GALNTL6: variants seen among roughly 807,000 people sequenced by gnomAD.
The protein encoded by GALNTL6 is polypeptide N-acetylgalactosaminyltransferase-like 6.
A neutral mutation model predicts 73.7 loss-of-function variants in GALNTL6; 46 were observed. The ratio of observed to expected loss-of-function variants is 0.62; its 90% confidence interval spans 0.49 to 0.80. The LOEUF is 0.80. Ranked by LOEUF, GALNTL6 falls within the 30% of genes least tolerant of loss-of-function variation. GALNTL6 has a pLI of 0.00. For missense variants in GALNTL6, 604 were observed against 755.0 expected (o/e 0.80, Z 2.34); for synonymous variants, 259 against 263.7 (o/e 0.98, Z 0.17).
chr4:172,475,036 A>G (rs1345845834), intron 5 of GALNTL6, among the ~76,000 whole-genome samples: 4 of 152,194 alleles, frequency 2.6e-5, no homozygotes, highest in Non-Finnish European at 2.9e-5. Context: ...TGAGGTGCTG[A>G]GTGTAATTTT....
chr4:171,965,077 AAC>A (rs1739347698), intron 2 of GALNTL6, among the ~76,000 whole-genome samples: 1 of 152,172 alleles, frequency 6.6e-6, no homozygotes, highest in Non-Finnish European at 1.5e-5. Flanking sequence ...TCCAAACTAT[AAC>A]AGTTACCATT....
At chr4:172,300,881 A>G (rs1049281145) in intron 3 of GALNTL6, among the ~76,000 whole-genome samples, 2 of 151,950 alleles carry the variant, frequency 1.3e-5, no homozygotes, top group Admixed American at 6.6e-5. Flanking sequence ...TCTTTGTGGC[A>G]TTCTCTGTAT....
intron 2 of GALNTL6, among the ~76,000 whole-genome samples, chr4:171,836,827 GA>G (rs1407222706): frequency 6.6e-6 from 1 of 152,096 alleles, no homozygotes; most frequent in Non-Finnish European, 1.5e-5. Context: ...AGTAAATGTT[GA>G]AGGAAAAGGA....
chr4:172,416,976 T>G (rs1282066693), intron 5 of GALNTL6, among the ~76,000 whole-genome samples: 1 of 152,206 alleles, frequency 6.6e-6, no homozygotes, highest in African/African-American at 2.4e-5. Context: ...GTTTATAAGC[T>G]TATAATTGTT....
At position 172,604,435 on chromosome 4, in the gene GALNTL6, T is replaced by A. The variant is rs532055611; in HGVS notation, c.554-204926T>A. Among the ~76,000 whole-genome samples the A allele has an allele frequency of 9.5e-4, 145 of 152,284 alleles. 1 individual carries two copies. The highest frequency in any genetic ancestry group is 3.4e-3 in the African/African-American group (141 of 41,566). ...AGAGAGCAAATAGACTTGGTTAGGC[T>A]AATGGAACAAACTTCATAATCTCAA... is the stretch of plus-strand genomic sequence containing the variant. On this transcript the variant is annotated intron_variant, in intron 5 of 12. Transcript: ENST00000506823.
In GALNTL6 at chr4:172,384,426, T is replaced by A. The variant is rs146582840; in HGVS notation, c.553+35737T>A. Among the ~76,000 whole-genome samples, 242 of 152,216 alleles carry A rather than the reference T, an allele frequency of 1.6e-3. 1 individual carries two copies. Among genetic ancestry groups the A allele is most frequent in the African/African-American group, 5.4e-3 (223 of 41,568 alleles). On this transcript the variant is annotated intron_variant, in intron 5 of 12. Coordinates refer to ENST00000506823, the MANE Select transcript of GALNTL6 (RefSeq NM_001034845.3). ...ATAGTATTCCCTCTTAATTTTTTTT[T>A]AAATTTCTCTAAGGCCAATAACAAT...
At chr4:172,048,843 A>G (rs1334828566) in intron 2 of GALNTL6, among the ~76,000 whole-genome samples, 1 of 152,100 alleles carries the variant, frequency 6.6e-6, no homozygotes, top group Non-Finnish European at 1.5e-5. Context: ...GCATCTTCCA[A>G]AAAAAGACAG....
At chr4:172,828,874 A>C (rs750638542) in intron 7 of GALNTL6, among the ~76,000 whole-genome samples, 1 of 152,228 alleles carries the variant, frequency 6.6e-6, no homozygotes, top group Non-Finnish European at 1.5e-5. Context: ...CTTCCATAAC[A>C]AAGTACTACA....
intron 5 of GALNTL6, among the ~76,000 whole-genome samples, chr4:172,627,970 C>A (rs950525118): frequency 6.6e-6 from 1 of 150,992 alleles, no homozygotes; most frequent in Non-Finnish European, 1.5e-5. Context: ...TTTGGTGATT[C>A]TTTGTATGGA....
intron 10 of GALNTL6, among the ~76,000 whole-genome samples, chr4:172,986,740 G>T (rs1160121534): frequency 1.3e-5 from 2 of 152,166 alleles, no homozygotes; most frequent in Non-Finnish European, 2.9e-5. Context: ...AGAAGAAAAA[G>T]GTTAATGTTA....
chr4:171,838,873 C>T (rs1048751932), intron 2 of GALNTL6, among the ~76,000 whole-genome samples: 3 of 152,126 alleles, frequency 2.0e-5, no homozygotes, highest in Non-Finnish European at 2.9e-5. Context: ...AACACAAGGA[C>T]GGTTGCCTTT....
chr4:172,219,090 G>A (rs1405359508), intron 2 of GALNTL6, among the ~76,000 whole-genome samples: 5 of 146,840 alleles, frequency 3.4e-5, no homozygotes, highest in Admixed American at 6.9e-5. Context: ...GTCCATTTCA[G>A]ACATTTGGGA....
At chr4:172,666,620 A>T (rs1427494092) in intron 5 of GALNTL6, among the ~76,000 whole-genome samples, 2 of 152,198 alleles carry the variant, frequency 1.3e-5, no homozygotes, top group Non-Finnish European at 2.9e-5. Context: ...TTGTCTCAAA[A>T]CAATGATGTA....
intron 5 of GALNTL6, among the ~76,000 whole-genome samples, chr4:172,420,977 A>T (rs750779635): frequency 1.4e-4 from 22 of 152,026 alleles, no homozygotes; most frequent in Admixed American, 3.3e-4. Flanking sequence ...ACACATGGAC[A>T]CGGGGAGGGG....
chr4:171,951,666 A>G (rs1180911581), intron 2 of GALNTL6, among the ~76,000 whole-genome samples: 1 of 152,100 alleles, frequency 6.6e-6, no homozygotes, highest in Non-Finnish European at 1.5e-5. Flanking sequence ...TGTCAAATAG[A>G]TAATATCTTT....
chr4:172,528,889 A>G (rs1375397847), intron 5 of GALNTL6, among the ~76,000 whole-genome samples: 1 of 144,196 alleles, frequency 6.9e-6, no homozygotes, highest in African/African-American at 2.5e-5. Context: ...CTTCCTGTAC[A>G]TATTCTCTTA....
chr4:172,826,839 T>C (rs1742294309), intron 7 of GALNTL6, among the ~76,000 whole-genome samples: 1 of 152,216 alleles, frequency 6.6e-6, no homozygotes, highest in Non-Finnish European at 1.5e-5. Flanking sequence ...TCTCAGTAAA[T>C]TCCCAATTCA....
At chr4:172,153,434 CT>C in intron 2 of GALNTL6, among the ~76,000 whole-genome samples, 1 of 152,164 alleles carries the variant, frequency 6.6e-6, no homozygotes, top group Non-Finnish European at 1.5e-5. Flanking sequence ...ATGCAGATAT[CT>C]TTTTAATGTT....
chr4:171,979,892 C>T (rs1382284601), intron 2 of GALNTL6, among the ~76,000 whole-genome samples: 1 of 151,578 alleles, frequency 6.6e-6, no homozygotes, highest in Non-Finnish European at 1.5e-5. Flanking sequence ...TTGGAAGAAA[C>T]TATAGAACAT....
Sources: allele counts gnomAD v4.1 joint callset (sites outside exome capture counted in the v4.1 genomes callset), GRCh38; gene constraint gnomAD v4.1.1; transcripts MANE v1.5; gene names NCBI Gene and HGNC (gene_info 2026-07-23, HGNC 2026-07-21).